The following PHAF1 variants were observed in gnomAD, a reference collection of about 807,000 sequenced individuals.
PHAF1 encodes phagophore assembly factor 1.
A neutral mutation model predicts 63.1 loss-of-function variants in PHAF1; 23 were observed. The ratio of observed to expected loss-of-function variants is 0.36; its 90% CI spans 0.26 to 0.52. The LOEUF is 0.52. Among genes scored for constraint, PHAF1 ranks in the 20% least tolerant of loss-of-function variants. PHAF1 has a pLI of 0.93. For missense variants in PHAF1, 427 were observed against 517.2 expected (o/e 0.83, Z 1.69); for synonymous variants, 167 against 185.0 (o/e 0.90, Z 0.79).
Position 67,147,207 on chromosome 16 carries a change from T to G in PHAF1, c.*76T>G. The G allele has an allele frequency of 7.0e-7, 1 of 1,420,310 alleles. No individual in the cohort carries two copies. The highest frequency in any genetic ancestry group is 9.9e-7 in the Non-Finnish European group (1 of 1,012,284). 88.0% of individuals were successfully genotyped at this position (1,420,310 alleles called of 1,614,324 possible). On this transcript the variant is annotated 3_prime_UTR_variant, in exon 16 of 16. Coordinates refer to ENST00000219139, the MANE Select transcript of PHAF1 (RefSeq NM_025187.5). ...TGCTCAGTGGGCCTCTGTACCACCC[T>G]GTGGGTTTTCTTGGACACCTGGCCA...
At chr16:67,132,788 G>A (rs1243166345) in intron 5 of PHAF1, 29 bp from the exon 6 acceptor site, 2 of 1,558,906 alleles carry the variant, frequency 1.3e-6, no homozygotes, top group Non-Finnish European at 1.8e-6. Flanking sequence ...AGTCAACCAT[G>A]TTATTTTCTT....
At chr16:67,146,395 G>A in intron 15 of PHAF1, 45 bp downstream of exon 15, 7 of 1,565,132 alleles carry the variant, frequency 4.5e-6, no homozygotes, top group Non-Finnish European at 6.2e-6. Context: ...GGGGGTTGCT[G>A]GTCATGGCAG....
rs1432168078 is a variant in PHAF1 at position 67,147,791 on chromosome 16, G to C, written c.*660G>C. 2 of 152,886 alleles carry C rather than the reference G, an allele frequency of 1.3e-5. No individual in the cohort carries two copies. Among genetic ancestry groups the C allele is most frequent in the African/African-American group, 4.8e-5 (2 of 41,466 alleles). 9.5% of individuals were successfully genotyped at this position (152,886 alleles called of 1,614,324 possible). Reference sequence around the variant, plus strand: ...AGCTTTCAAGATTGCCTGTGCCCCTGCTCTGCCCCATCCTGGCTGGCAGGG... The same window carrying C: ...AGCTTTCAAGATTGCCTGTGCCCCTCCTCTGCCCCATCCTGGCTGGCAGGG... On this transcript the variant is annotated 3_prime_UTR_variant, in exon 16 of 16. Transcript: ENST00000219139.
At chr16:67,111,242 T>G (rs1013352689) in intron 1 of PHAF1, among the ~76,000 whole-genome samples, 9 of 152,220 alleles carry the variant, frequency 5.9e-5, no homozygotes, top group African/African-American at 1.7e-4. Flanking sequence ...TTCTAAAAAA[T>G]GCAGTTTGGT....
rs528901722 is a variant in PHAF1 at position 67,126,940 on chromosome 16, G to A, written c.231+898G>A. ...GTCTCACTGTGTCACCCAGGCTGGC[G>A]TGAAGTGGTGCAATCTTGGCTCACT... On this transcript the variant is annotated intron_variant, in intron 3 of 15. Transcript: ENST00000219139. Among the ~76,000 whole-genome samples, 15 of 145,166 alleles carry A rather than the reference G, an allele frequency of 1.0e-4. No individual in the cohort carries two copies. The South Asian group carries it at 1.7e-3, about 17-fold the overall frequency.
intron 10 of PHAF1, among the ~76,000 whole-genome samples, chr16:67,141,457 CT>C (rs1963806665): frequency 6.6e-6 from 1 of 152,222 alleles, no homozygotes. Context: ...CCGGTGGCAC[CT>C]TTGCCCCAAT....
intron 2 of PHAF1, among the ~76,000 whole-genome samples, chr16:67,121,194 C>CTT (rs558148750): frequency 9.1e-5 from 13 of 142,736 alleles, no homozygotes; most frequent in African/African-American, 1.8e-4. Flanking sequence ...GCAGGGGTTT[C>CTT]TTTTTTTTTT....
intron 8 of PHAF1, among the ~76,000 whole-genome samples, chr16:67,137,177 G>C (rs1362540340): frequency 6.6e-6 from 1 of 151,968 alleles, no homozygotes; most frequent in Non-Finnish European, 1.5e-5. Flanking sequence ...AAAGAATCTG[G>C]TATATGAACT....
rs781654200 is a variant in PHAF1 at position 67,134,200 on chromosome 16, G to T, written c.483G>T (p.Gln161His). ...TTGCCCATGGCCTGGCTTCTCTCCA[G>T]ATACCCCATGGAGCAACTGTAAAAC... ...PNFAHGLASLQIPHGATVKRM... is the reference protein window; with the variant it reads ...PNFAHGLASLHIPHGATVKRM... The change falls in exon 7 of 16, where the codon CAG becomes CAT. Residue 161 changes from glutamine to histidine, a missense_variant. Transcript: ENST00000219139. The T allele has an allele frequency of 1.2e-6, 2 of 1,614,150 alleles. No homozygotes were observed. The highest frequency in any genetic ancestry group is 3.3e-5 in the Admixed American group (2 of 60,028).
At chr16:67,114,563 GA>G (rs766952691) in intron 1 of PHAF1, among the ~76,000 whole-genome samples, 2,789 of 105,736 alleles carry the variant, frequency 0.026, 36 homozygotes, top group Non-Finnish European at 0.034. Flanking sequence ...AATGAAAGAA[GA>G]AAAAAAAAAA....
At chr16:67,133,601 A>G (rs914601368) in intron 6 of PHAF1, among the ~76,000 whole-genome samples, 1 of 151,940 alleles carries the variant, frequency 6.6e-6, no homozygotes, top group Admixed American at 6.6e-5. Context: ...AACATGGTGA[A>G]ACCCCGTCTC....
chr16:67,143,656 G>A (rs1044190974), intron 10 of PHAF1, among the ~76,000 whole-genome samples: 3 of 152,122 alleles, frequency 2.0e-5, no homozygotes, highest in Admixed American at 6.5e-5. Flanking sequence ...CTAGGAGTTC[G>A]GGATACAGCA....
intron 1 of PHAF1, among the ~76,000 whole-genome samples, chr16:67,114,813 G>A (rs925053106): frequency 3.3e-5 from 5 of 152,224 alleles, no homozygotes; most frequent in Non-Finnish European, 5.9e-5. Flanking sequence ...GGAAGAACTG[G>A]ATTTGGAGAG....
chr16:67,124,469 G>C (rs534539322), intron 2 of PHAF1, among the ~76,000 whole-genome samples: 1 of 152,190 alleles, frequency 6.6e-6, no homozygotes. Flanking sequence ...AAGACTCTTA[G>C]GAGAGAATTT....
intron 4 of PHAF1, 105 bp from the exon 5 acceptor site, chr16:67,132,341 A>T: frequency 1.0e-6 from 1 of 980,902 alleles, no homozygotes; most frequent in East Asian, 2.4e-5. Context: ...ATAATTAGAG[A>T]CTCACCTGCC....
intron 8 of PHAF1, among the ~76,000 whole-genome samples, chr16:67,138,685 C>T (rs1017157949): frequency 4.6e-5 from 7 of 152,136 alleles, no homozygotes; most frequent in African/African-American, 9.7e-5. Context: ...TAGAAAAAGT[C>T]AGAGCTTAAA....
intron 7 of PHAF1, 21 bp from the exon 8 acceptor site, chr16:67,134,334 T>C: frequency 6.2e-7 from 1 of 1,608,668 alleles, no homozygotes; most frequent in East Asian, 2.2e-5. Flanking sequence ...AAGCCTCTGC[T>C]CATTCTGTGT....
At position 67,120,631 on chromosome 16, in the gene PHAF1, ATAATTCACC is replaced by A. The variant is rs1240147200; in HGVS notation, c.147+438_147+446del. ...ATACCAGATTTGAAAGGAAACAGAT[ATAATTCACC>A]CCTTTATCTCTCTCAAAGAGCAATC... On this transcript the variant is annotated intron_variant, in intron 2 of 15. Transcript: ENST00000219139. Among the ~76,000 whole-genome samples the A allele has an allele frequency of 2.0e-5, 3 of 151,042 alleles. No homozygotes were observed. The Admixed American group carries it at 2.0e-4, about 10-fold the overall frequency.
chr16:67,122,403 A>C (rs1465278020), intron 2 of PHAF1, among the ~76,000 whole-genome samples: 2 of 152,106 alleles, frequency 1.3e-5, no homozygotes, highest in African/African-American at 4.8e-5. Flanking sequence ...GCTTGAGTCC[A>C]AGAGTTCGAG....
Sources: gnomAD v4.1 joint callset for allele counts (sites outside exome capture counted in the v4.1 genomes callset) on GRCh38, gnomAD v4.1.1 for gene constraint, MANE v1.5 for transcripts, NCBI Gene and HGNC (gene_info 2026-07-23, HGNC 2026-07-21) for gene names.